NCK2: variants seen among roughly 807,000 people sequenced by gnomAD.
NCK2 encodes NCK adaptor protein 2, also known as cytoplasmic protein NCK2.
NCK2 carries 16 observed loss-of-function variants against 33.9 expected under a neutral mutation model. The ratio of observed to expected loss-of-function variants is 0.47; its 90% CI spans 0.32 to 0.72. The LOEUF (loss-of-function observed/expected upper bound fraction) is 0.72, where lower values mean the gene tolerates loss of function less well. Among genes scored for constraint, NCK2 ranks in the 30% least tolerant of loss-of-function variants. NCK2 has a pLI of 0.03. For missense variants in NCK2, 418 were observed against 537.3 expected (o/e 0.78, Z 2.19); for synonymous variants, 273 against 239.9 (o/e 1.14, Z -1.27).
intron 1 of NCK2, among the ~76,000 whole-genome samples, chr2:105,807,741 C>T (rs141662781): frequency 0.1 from 11,857 of 113,748 alleles, 2,256 homozygotes; most frequent in African/African-American, 0.37. Context: ...TTCCTTCCTT[C>T]CTTCCTTCCC....
chr2:105,838,989 G>A (rs943565669), intron 2 of NCK2, among the ~76,000 whole-genome samples: 1 of 152,204 alleles, frequency 6.6e-6, no homozygotes, highest in Admixed American at 6.5e-5. Context: ...TGGTGCGGCA[G>A]CTATTTTATA....
intron 3 of NCK2, among the ~76,000 whole-genome samples, chr2:105,859,364 A>ACCTGCC (rs1677424520): frequency 6.6e-6 from 1 of 152,180 alleles, no homozygotes; most frequent in Non-Finnish European, 1.5e-5. Context: ...TCACAGGCCC[A>ACCTGCC]CCTGCCCGTG....
chr2:105,802,327 A>T (rs1674872127), intron 1 of NCK2, among the ~76,000 whole-genome samples: 1 of 152,212 alleles, frequency 6.6e-6, no homozygotes, highest in African/African-American at 2.4e-5. Flanking sequence ...CATCCTTAAC[A>T]TGCCTTTAGC....
chr2:105,796,556 A>T (rs745608918), intron 1 of NCK2, among the ~76,000 whole-genome samples: 1 of 152,166 alleles, frequency 6.6e-6, no homozygotes, highest in Non-Finnish European at 1.5e-5. Flanking sequence ...CACAGAACGC[A>T]GGTGTTCAGA....
chr2:105,845,525 C>G (rs980964469), intron 2 of NCK2, among the ~76,000 whole-genome samples: 1 of 151,924 alleles, frequency 6.6e-6, no homozygotes, highest in Non-Finnish European at 1.5e-5. Context: ...TCCTGAGTAG[C>G]TGAAATTACA....
chr2:105,887,626 G>A (rs1362472676), intron 4 of NCK2, among the ~76,000 whole-genome samples: 9 of 152,172 alleles, frequency 5.9e-5, no homozygotes. Flanking sequence ...CATGACTATT[G>A]TGCTTAGAAG....
chr2:105,833,098 CT>C (rs1384602279), intron 2 of NCK2, among the ~76,000 whole-genome samples: 1 of 131,234 alleles, frequency 7.6e-6, no homozygotes, highest in Non-Finnish European at 1.6e-5. Context: ...TCTTTTTCTT[CT>C]TTTCTTTTTT....
At chr2:105,880,936 AT>A (rs59005322) in intron 3 of NCK2, among the ~76,000 whole-genome samples, 193 of 103,482 alleles carry the variant, frequency 1.9e-3, no homozygotes, top group African/African-American at 6.1e-3. Context: ...CAGGTGGCTA[AT>A]TTTTTTTTTT....
chr2:105,864,690 T>C (rs1174908055), intron 3 of NCK2, among the ~76,000 whole-genome samples: 1 of 152,082 alleles, frequency 6.6e-6, no homozygotes, highest in Non-Finnish European at 1.5e-5. Context: ...GGCAGCTGAT[T>C]AGGTACCTCA....
At chr2:105,862,060 G>A (rs542855132) in intron 3 of NCK2, among the ~76,000 whole-genome samples, 43 of 152,188 alleles carry the variant, frequency 2.8e-4, no homozygotes, top group African/African-American at 9.4e-4. Context: ...GTAACTAAAG[G>A]CCCTTTAGTT....
chr2:105,824,159 T>C lies in NCK2; in HGVS notation c.-17+7546T>C, dbSNP rs1398728289. Among the ~76,000 whole-genome samples the C allele has an allele frequency of 4.0e-5, 6 of 151,758 alleles. 1 individual carries two copies. The highest frequency in any genetic ancestry group is 1.5e-4 in the African/African-American group (6 of 41,002). On this transcript the variant is annotated intron_variant, in intron 2 of 4. Transcript: ENST00000233154. ...CATTTTGGGTTTTGCTTGTGATTGT[T>C]ACCTTATTTCACATGTGTGAGTGCC...
chr2:105,820,953 G>A (rs1323583084), intron 2 of NCK2, among the ~76,000 whole-genome samples: 1 of 152,208 alleles, frequency 6.6e-6, no homozygotes, highest in Non-Finnish European at 1.5e-5. Flanking sequence ...AATGTCAGCA[G>A]TGAGCCTACA....
chr2:105,815,578 A>G (rs1022934791), intron 1 of NCK2, among the ~76,000 whole-genome samples: 1 of 152,206 alleles, frequency 6.6e-6, no homozygotes, highest in African/African-American at 2.4e-5. Context: ...AAGTGCAGTG[A>G]ACATAACGCA....
intron 2 of NCK2, among the ~76,000 whole-genome samples, chr2:105,845,749 G>A (rs4851878): frequency 0.22 from 33,327 of 151,754 alleles, 3,949 homozygotes; most frequent in East Asian, 0.32. Context: ...CCTTACAGCT[G>A]TGAAAAAAAA....
intron 3 of NCK2, among the ~76,000 whole-genome samples, chr2:105,865,902 ATATTATTAT>A (rs61440392): frequency 6.7e-6 from 1 of 148,746 alleles, no homozygotes; most frequent in Non-Finnish European, 1.5e-5. Context: ...AAAGACAGAG[ATATTATTAT>A]TATTATTATT....
intron 2 of NCK2, 67 bp downstream of exon 2, chr2:105,816,680 A>G (rs1675498688): frequency 6.6e-6 from 1 of 152,242 alleles, no homozygotes; most frequent in Non-Finnish European, 1.5e-5. Context: ...TAATTTGGAC[A>G]GTAAGTTTAG....
chr2:105,883,294 T>G lies in NCK2; in HGVS notation c.948+1245T>G, dbSNP rs139293847. Among the ~76,000 whole-genome samples the G allele has an allele frequency of 1.3e-3, 191 of 152,340 alleles. 2 individuals carry two copies. The highest frequency in any genetic ancestry group is 4.1e-3 in the African/African-American group (170 of 41,580). On this transcript the variant is annotated intron_variant, in intron 4 of 4. Transcript: ENST00000233154. ...TGCACCACTTCTTTTAGATCGTGTTTGAAGCCTTAAGCAAATTAAGGACAG... is the reference window on the plus strand; with the variant it reads ...TGCACCACTTCTTTTAGATCGTGTTGGAAGCCTTAAGCAAATTAAGGACAG...
intron 4 of NCK2, among the ~76,000 whole-genome samples, chr2:105,887,617 A>G (rs960312827): frequency 1.3e-5 from 2 of 152,236 alleles, no homozygotes; most frequent in African/African-American, 4.8e-5. Context: ...CCGTTTCCTC[A>G]TGACTATTGT....
chr2:105,794,250 C>T (rs1690997826), intron 1 of NCK2, among the ~76,000 whole-genome samples: 1 of 151,934 alleles, frequency 6.6e-6, no homozygotes, highest in Non-Finnish European at 1.5e-5. Flanking sequence ...TAAAATTTCA[C>T]CATGTTGGCC....
Sources: allele counts gnomAD v4.1 joint callset (sites outside exome capture counted in the v4.1 genomes callset), GRCh38; gene constraint gnomAD v4.1.1; transcripts MANE v1.5; gene names NCBI Gene and HGNC (gene_info 2026-07-23, HGNC 2026-07-21).